Variants in RARB observed in about 807,000 individuals in gnomAD.
RARB encodes HBV-activated protein.
A neutral mutation model predicts 51.9 loss-of-function variants in RARB; 17 were observed. The observed-to-expected ratio is 0.33, with a 90% CI of 0.22 to 0.49. The LOEUF is 0.49. RARB is among the 20% of genes least tolerant of loss of function. The pLI is 0.99. For missense variants in RARB, 369 were observed against 550.8 expected (o/e 0.67, Z 3.30); for synonymous variants, 215 against 195.4 (o/e 1.10, Z -0.84).
chr3:25,572,506 G>A (rs1034669329), intron 4 of RARB, among the ~76,000 whole-genome samples: 1 of 152,122 alleles, frequency 6.6e-6, no homozygotes, highest in Non-Finnish European at 1.5e-5. Flanking sequence ...GTGGTCAGAG[G>A]TGAGACTTGA....
At chr3:25,541,454 G>T (rs1699377149) in intron 3 of RARB, among the ~76,000 whole-genome samples, 1 of 152,118 alleles carries the variant, frequency 6.6e-6, no homozygotes, top group African/African-American at 2.4e-5. Flanking sequence ...CCTCTCCAGT[G>T]CTTGCAACAG....
chr3:25,477,687 A>G (rs1696022808), intron 2 of RARB, among the ~76,000 whole-genome samples: 1 of 152,226 alleles, frequency 6.6e-6, no homozygotes, highest in Non-Finnish European at 1.5e-5. Context: ...GAATAAGCAT[A>G]TGAGGTAAAT....
intron 5 of RARB, among the ~76,000 whole-genome samples, chr3:25,586,418 G>A (rs765544924): frequency 3.3e-5 from 5 of 152,140 alleles, no homozygotes; most frequent in Non-Finnish European, 7.3e-5. Flanking sequence ...TTCCAGGCTC[G>A]AAAGGGGGAT....
chr3:25,200,539 T>C lies in RARB; in HGVS notation c.178+25964T>C, dbSNP rs191219741. Among the ~76,000 whole-genome samples, 832 of 152,098 alleles carry C rather than the reference T, an allele frequency of 5.5e-3. 13 individuals are homozygous for C. The highest frequency in any genetic ancestry group is 0.028 in the East Asian group (143 of 5,156). On this transcript the variant is annotated intron_variant, in intron 5 of 11. Transcript: ENST00000383772. ...GCCCATGTCTATGTCCTGAATGGTATTGCCTAGGTTTTCTTCTAGGGTTTT... is the reference window on the plus strand; with the variant it reads ...GCCCATGTCTATGTCCTGAATGGTACTGCCTAGGTTTTCTTCTAGGGTTTT...
At chr3:24,934,531 G>C (rs1695509691) in intron 2 of RARB, among the ~76,000 whole-genome samples, 1 of 152,016 alleles carries the variant, frequency 6.6e-6, no homozygotes, top group South Asian at 2.1e-4. Flanking sequence ...ATAAGAATAA[G>C]CCCAAAATCT....
intron 5 of RARB, among the ~76,000 whole-genome samples, chr3:25,362,956 A>T (rs1043201377): frequency 6.6e-6 from 1 of 152,158 alleles, no homozygotes; most frequent in South Asian, 2.1e-4. Context: ...TTTTATGGCA[A>T]ATGTTGATGA....
chr3:25,464,509 TG>T (rs1695335902), intron 2 of RARB, among the ~76,000 whole-genome samples: 1 of 152,180 alleles, frequency 6.6e-6, no homozygotes, highest in African/African-American at 2.4e-5. Context: ...TTTTATATTG[TG>T]GGTGGATTGC....
rs145966954 is a variant in RARB, at chr3:25,587,472, A to G, written c.787-6031A>G. Among the ~76,000 whole-genome samples, 216 of 152,350 alleles carry G rather than the reference A, an allele frequency of 1.4e-3. 2 individuals carry two copies. Among genetic ancestry groups the G allele is most frequent in the Admixed American group, 5.5e-3 (84 of 15,306 alleles). The stretch of plus-strand genomic sequence containing the variant: ...ACATGTTGAAACAAAAATAATTTGG[A>G]TATCTTAAGTTAAAATAGATTATTA... On this transcript the variant is annotated intron_variant, in intron 5 of 7. Transcript: ENST00000330688.
chr3:25,153,550 C>A (rs572324924), intron 4 of RARB, among the ~76,000 whole-genome samples: 1 of 152,238 alleles, frequency 6.6e-6, no homozygotes, highest in East Asian at 1.9e-4. Flanking sequence ...TATCTGTGTG[C>A]ACTGGGCCAA....
intron 5 of RARB, among the ~76,000 whole-genome samples, chr3:25,311,470 A>G (rs563592642): frequency 6.6e-6 from 1 of 152,304 alleles, no homozygotes; most frequent in South Asian, 2.1e-4. Flanking sequence ...GCAAATCTGG[A>G]CCTTTTCCTT....
intron 4 of RARB, among the ~76,000 whole-genome samples, chr3:25,149,552 A>G (rs920696058): frequency 6.6e-6 from 1 of 152,238 alleles, no homozygotes; most frequent in Non-Finnish European, 1.5e-5. Flanking sequence ...GGTGCAATCA[A>G]GTCCCACATT....
intron 5 of RARB, among the ~76,000 whole-genome samples, chr3:25,280,548 A>T (rs1300834945): frequency 6.6e-6 from 1 of 152,194 alleles, no homozygotes; most frequent in Non-Finnish European, 1.5e-5. Flanking sequence ...TTCACAGAAC[A>T]TGGGGTATTG....
intron 5 of RARB, among the ~76,000 whole-genome samples, chr3:25,361,705 T>G (rs1295564368): frequency 6.6e-6 from 1 of 152,242 alleles, no homozygotes; most frequent in Non-Finnish European, 1.5e-5. Flanking sequence ...TATTGCTTTC[T>G]GTTTGTTAGT....
intron 5 of RARB, among the ~76,000 whole-genome samples, chr3:25,274,435 G>A (rs1424429686): frequency 6.6e-6 from 1 of 152,136 alleles, no homozygotes; most frequent in Non-Finnish European, 1.5e-5. Context: ...ACTCAGATCA[G>A]GTGTTACCTT....
intron 2 of RARB, among the ~76,000 whole-genome samples, chr3:24,912,354 T>C (rs955413156): frequency 6.6e-6 from 1 of 152,204 alleles, no homozygotes; most frequent in South Asian, 2.1e-4. Flanking sequence ...TTTCTTCGTA[T>C]TGTTATGAAG....
At chr3:25,224,356 T>C (rs1423720432) in intron 5 of RARB, among the ~76,000 whole-genome samples, 1 of 152,092 alleles carries the variant, frequency 6.6e-6, no homozygotes, top group African/African-American at 2.4e-5. Context: ...AAATAACTTA[T>C]AAGGTGCCAG....
chr3:25,359,179 G>T (rs944418888), intron 5 of RARB, among the ~76,000 whole-genome samples: 5 of 151,892 alleles, frequency 3.3e-5, no homozygotes, highest in Non-Finnish European at 7.4e-5. Flanking sequence ...GTCTATTCAG[G>T]GATTCGACGT....
chr3:25,320,903 G>C (rs1399348388), intron 5 of RARB, among the ~76,000 whole-genome samples: 1 of 152,162 alleles, frequency 6.6e-6, no homozygotes, highest in Non-Finnish European at 1.5e-5. Context: ...CAAATACTTT[G>C]ATTTATGGAA....
chr3:24,906,143 T>A (rs1694858739), intron 2 of RARB, among the ~76,000 whole-genome samples: 1 of 152,200 alleles, frequency 6.6e-6, no homozygotes, highest in African/African-American at 2.4e-5. Flanking sequence ...CAGGGTGGGT[T>A]TCACAAATGA....
Sources: allele counts gnomAD v4.1 joint callset (sites outside exome capture counted in the v4.1 genomes callset), GRCh38; gene constraint gnomAD v4.1.1; transcripts MANE v1.5; gene names NCBI Gene and HGNC (gene_info 2026-07-23, HGNC 2026-07-21).